The following OR9Q1 variants were observed in gnomAD, a reference collection of about 807,000 sequenced individuals.
OR9Q1 encodes the protein olfactory receptor 9Q1.
For synonymous variants in OR9Q1, 153 were observed against 148.6 expected, an observed-to-expected ratio of 1.03 and a Z score of -0.22; for missense variants, 374 against 378.8, an observed-to-expected ratio of 0.99 and a Z score of 0.11.
At chr11:58,161,461 A>G (rs1440281661) in intron 2 of OR9Q1, among the ~76,000 whole-genome samples, 2 of 152,114 alleles carry the variant, frequency 1.3e-5, no homozygotes, top group East Asian at 3.9e-4. Context: ...GGAAATCTTC[A>G]GCCCAGCTGT....
chr11:58,144,152 A>G (rs1018162207), intron 2 of OR9Q1, among the ~76,000 whole-genome samples: 2 of 150,218 alleles, frequency 1.3e-5, no homozygotes, highest in Admixed American at 6.6e-5. Flanking sequence ...AACATTAGGT[A>G]TATCTCCTAA....
intron 2 of OR9Q1, among the ~76,000 whole-genome samples, chr11:58,154,322 C>A (rs1200197211): frequency 6.6e-6 from 1 of 151,660 alleles, no homozygotes; most frequent in Non-Finnish European, 1.5e-5. Context: ...CTGCAGGCTG[C>A]CTTATCCACT....
intron 2 of OR9Q1, among the ~76,000 whole-genome samples, chr11:58,157,771 C>A (rs1463529034): frequency 6.6e-6 from 1 of 152,160 alleles, no homozygotes; most frequent in Non-Finnish European, 1.5e-5. Flanking sequence ...GCTTGAAATA[C>A]ATATGGAATG....
chr11:58,096,050 G>A (rs1023528008), intron 2 of OR9Q1, among the ~76,000 whole-genome samples: 3 of 151,716 alleles, frequency 2.0e-5, no homozygotes, highest in African/African-American at 7.3e-5. Flanking sequence ...GACAACATAT[G>A]TATTTAAAGA....
At chr11:58,148,424 C>T (rs148116273) in intron 2 of OR9Q1, among the ~76,000 whole-genome samples, 397 of 152,208 alleles carry the variant, frequency 2.6e-3, no homozygotes, top group African/African-American at 9.2e-3. Context: ...TCATGAAGAT[C>T]AATACAAGAT....
At chr11:58,073,715 A>G (rs1590572928) in intron 2 of OR9Q1, 1 of 152,324 alleles carries the variant, frequency 6.6e-6, no homozygotes, top group East Asian at 1.9e-4. Context: ...TACATGTGCC[A>G]TGGTGGTTTG....
intron 2 of OR9Q1, among the ~76,000 whole-genome samples, chr11:58,106,722 T>G (rs1420362339): frequency 1.3e-5 from 2 of 152,194 alleles, no homozygotes; most frequent in Non-Finnish European, 2.9e-5. Flanking sequence ...GACATGCAGT[T>G]TTCTTAACAC....
At chr11:58,141,083 CTGTT>C (rs1322369712) in intron 2 of OR9Q1, among the ~76,000 whole-genome samples, 3 of 152,200 alleles carry the variant, frequency 2.0e-5, no homozygotes, top group South Asian at 4.1e-4. Flanking sequence ...ATTTGGCTCT[CTGTT>C]TGTCTGTTAT....
At chr11:58,113,940 T>C (rs1486050149) in intron 2 of OR9Q1, among the ~76,000 whole-genome samples, 1 of 152,160 alleles carries the variant, frequency 6.6e-6, no homozygotes, top group Non-Finnish European at 1.5e-5. Flanking sequence ...TGTGCTCCTG[T>C]GAAGAGCTTC....
intron 2 of OR9Q1, among the ~76,000 whole-genome samples, chr11:58,121,401 A>C (rs1590602545): frequency 1.3e-5 from 2 of 152,142 alleles, no homozygotes; most frequent in African/African-American, 4.8e-5. Flanking sequence ...TTTTTTTCCC[A>C]AAGTCATCTC....
chr11:58,176,955 C>T (rs1031782092), intron 2 of OR9Q1, among the ~76,000 whole-genome samples: 4 of 152,150 alleles, frequency 2.6e-5, no homozygotes, highest in African/African-American at 9.7e-5. Context: ...GAGAAGAGGA[C>T]CTGCCAGGTA....
chr11:58,061,233 G>T lies in OR9Q1; in HGVS notation c.-15+5286G>T, dbSNP rs574133859. Among the ~76,000 whole-genome samples the T allele has an allele frequency of 3.9e-5, 6 of 152,244 alleles. No homozygotes were observed. In the South Asian group the frequency reaches 1.0e-3, roughly 26 times the overall value. Reference sequence around the variant, plus strand: ...TGCAGACAAGTTCTTTTACTTCAAAGTTTTTGGTGAGTCTTTGGCCCTATA... The same window carrying T: ...TGCAGACAAGTTCTTTTACTTCAAATTTTTTGGTGAGTCTTTGGCCCTATA... On this transcript the variant is annotated intron_variant, in intron 2 of 2. Transcript: ENST00000335397.
At position 58,056,998 on chromosome 11, in the gene OR9Q1, T is replaced by G. The variant is rs1201022850; in HGVS notation, c.-15+1051T>G. Among the ~76,000 whole-genome samples, 4 of 143,860 alleles carry G rather than the reference T, an allele frequency of 2.8e-5. No individual in the cohort carries two copies. The South Asian group carries it at 7.1e-4, about 26-fold the overall frequency. 94.4% of individuals were successfully genotyped at this position (143,860 alleles called of 152,430 possible). The stretch of plus-strand genomic sequence containing the variant: ...GTTATACAATTCAGGTTTTTTTTTT[T>G]TTTTTTTTTTTTTTGAGATGGAGTC... On this transcript the variant is annotated intron_variant, in intron 2 of 2. Transcript: ENST00000335397.
In OR9Q1 at chr11:58,060,524, T is replaced by C. The variant is rs566641927; in HGVS notation, c.-15+4577T>C. Reference sequence around the variant, plus strand: ...GGAGCAGAGGGGAAGGGGTTGTCAGTGTAGAGTGTGATTTCTGGTGGGCAG... The same window carrying C: ...GGAGCAGAGGGGAAGGGGTTGTCAGCGTAGAGTGTGATTTCTGGTGGGCAG... On this transcript the variant is annotated intron_variant, in intron 2 of 2. Transcript: ENST00000335397. 2.0e-5 allele frequency among the ~76,000 whole-genome samples: 3 copies of C among 152,212 alleles called. No homozygotes were observed. The East Asian group carries it at 5.8e-4, about 29-fold the overall frequency.
chr11:58,137,367 G>T (rs986228276), intron 2 of OR9Q1, among the ~76,000 whole-genome samples: 3 of 152,110 alleles, frequency 2.0e-5, no homozygotes, highest in Admixed American at 2.0e-4. Flanking sequence ...CCCTGTTATA[G>T]TTTGATTCTG....
chr11:58,027,814 G>C (rs1395523353), intron 1 of OR9Q1, among the ~76,000 whole-genome samples: 9 of 152,196 alleles, frequency 5.9e-5, no homozygotes, highest in Admixed American at 5.9e-4. Context: ...CAGCTTTTGA[G>C]AAACAAGAGC....
chr11:58,133,913 G>T (rs933170835), intron 2 of OR9Q1, among the ~76,000 whole-genome samples: 1 of 151,670 alleles, frequency 6.6e-6, no homozygotes, highest in African/African-American at 2.4e-5. Context: ...GTCAGAAGGG[G>T]TCACTGCTAG....
At position 58,067,906 on chromosome 11, in the gene OR9Q1, G is replaced by A. The variant is rs556002007; in HGVS notation, c.-15+11959G>A. 2.6e-5 allele frequency among the ~76,000 whole-genome samples: 4 copies of A among 152,322 alleles called. No homozygotes were observed. The South Asian group carries it at 6.2e-4, about 24-fold the overall frequency. On this transcript the variant is annotated intron_variant, in intron 2 of 2. Transcript: ENST00000335397. ...GGCCACCTGCCAACTTGCTGGATGAGGCATTGATGCAGCTGGGCTGCTGAG... is the reference window on the plus strand; with the variant it reads ...GGCCACCTGCCAACTTGCTGGATGAAGCATTGATGCAGCTGGGCTGCTGAG...
intron 2 of OR9Q1, among the ~76,000 whole-genome samples, chr11:58,147,302 G>A (rs1854308090): frequency 6.6e-6 from 1 of 152,062 alleles, no homozygotes; most frequent in African/African-American, 2.4e-5. Flanking sequence ...GTAGACACAG[G>A]TATACACTAT....
Sources: allele counts gnomAD v4.1 joint callset (sites outside exome capture counted in the v4.1 genomes callset), GRCh38; gene constraint gnomAD v4.1.1; transcripts MANE v1.5; gene names NCBI Gene and HGNC (gene_info 2026-07-23, HGNC 2026-07-21).